The following DDAH1 variants were observed in gnomAD, a reference collection of about 807,000 sequenced individuals.
DDAH1 encodes the protein N(G),N(G)-dimethylarginine dimethylaminohydrolase 1.
In DDAH1, 19 loss-of-function variants were observed where a neutral mutation model predicts 28.8. That is an observed-to-expected ratio of 0.66 (90% CI 0.46 to 0.97). The LOEUF (loss-of-function observed/expected upper bound fraction) is 0.97, where lower values mean the gene tolerates loss of function less well. DDAH1 is among the 50% of genes least tolerant of loss of function. DDAH1 has a pLI of 0.00. For synonymous variants in DDAH1, 153 were observed against 154.4 expected (o/e 0.99, Z 0.07); for missense variants, 326 against 375.9 (o/e 0.87, Z 1.10).
chr1:85,328,450 A>G (rs1479075051), intron 4 of DDAH1, among the ~76,000 whole-genome samples: 1 of 151,996 alleles, frequency 6.6e-6, no homozygotes, highest in Non-Finnish European at 1.5e-5. Context: ...TCTAGACAAT[A>G]GCTTTTGGTC....
At chr1:85,444,844 G>T (rs528933219) in intron 1 of DDAH1, among the ~76,000 whole-genome samples, 1 of 149,744 alleles carries the variant, frequency 6.7e-6, no homozygotes, top group Non-Finnish European at 1.5e-5. Context: ...GTTCTCTAGA[G>T]GAACAGAACT....
chr1:85,478,121 G>T (rs1390158446), intron 2 of DDAH1, among the ~76,000 whole-genome samples: 1 of 152,144 alleles, frequency 6.6e-6, no homozygotes, highest in African/African-American at 2.4e-5. Flanking sequence ...TTTTTCTTCT[G>T]TGAGAATGCT....
intron 1 of DDAH1, among the ~76,000 whole-genome samples, chr1:85,360,059 T>G (rs1649705434): frequency 6.6e-6 from 1 of 152,158 alleles, no homozygotes; most frequent in Admixed American, 6.5e-5. Context: ...GCAAAGCAGG[T>G]AGTTCTTCCA....
chr1:85,340,408 A>C (rs1648403999), intron 4 of DDAH1, among the ~76,000 whole-genome samples: 1 of 152,182 alleles, frequency 6.6e-6, no homozygotes, highest in Non-Finnish European at 1.5e-5. Context: ...AAGGCACGCC[A>C]TTGTGGTAGT....
At chr1:85,392,530 C>T (rs769802551) in intron 1 of DDAH1, among the ~76,000 whole-genome samples, 44 of 152,108 alleles carry the variant, frequency 2.9e-4, no homozygotes, top group Non-Finnish European at 4.4e-5. Flanking sequence ...TGTGATGGCT[C>T]ACACCTGTAA....
chr1:85,388,544 T>C (rs2100549209), intron 1 of DDAH1, among the ~76,000 whole-genome samples: 1 of 152,344 alleles, frequency 6.6e-6, no homozygotes, highest in African/African-American at 2.4e-5. Flanking sequence ...TAAATTTGCC[T>C]CATTTTTCTG....
chr1:85,553,080 G>C (rs1441276792), intron 1 of DDAH1, among the ~76,000 whole-genome samples: 1 of 152,170 alleles, frequency 6.6e-6, no homozygotes, highest in African/African-American at 2.4e-5. Context: ...GTGCTGGAGA[G>C]ACCACATTAT....
chr1:85,402,856 C>T (rs1652206691), intron 1 of DDAH1, among the ~76,000 whole-genome samples: 1 of 149,832 alleles, frequency 6.7e-6, no homozygotes, highest in African/African-American at 2.5e-5. Flanking sequence ...TTGCAGTGAG[C>T]CGAGATAGCG....
chr1:85,327,018 C>T (rs574835750), intron 4 of DDAH1, among the ~76,000 whole-genome samples: 21 of 152,324 alleles, frequency 1.4e-4, no homozygotes, highest in South Asian at 6.2e-4. Flanking sequence ...TCTTTTGTTA[C>T]GAATTGCAAT....
intron 4 of DDAH1, among the ~76,000 whole-genome samples, chr1:85,330,106 T>A (rs1042215068): frequency 6.6e-6 from 1 of 152,248 alleles, no homozygotes; most frequent in African/African-American, 2.4e-5. Flanking sequence ...GACACATGTA[T>A]GTACACAAGA....
intron 1 of DDAH1, among the ~76,000 whole-genome samples, chr1:85,454,779 C>T (rs1011682834): frequency 8.5e-5 from 13 of 152,242 alleles, no homozygotes; most frequent in Non-Finnish European, 1.9e-4. Flanking sequence ...GGGTAGAGAG[C>T]AGCAATTGGG....
chr1:85,464,685 C>G lies in DDAH1; in HGVS notation c.303+58G>C. On this transcript the variant is annotated intron_variant, in intron 1 of 5. Transcript: ENST00000284031. The surrounding 1 kb of genome is among the most constrained non-coding windows in gnomAD (Gnocchi z 4.4). ...GCGACTCCCCAGGCAACACGGCGGC[C>G]GGCGGCGGGGGAGGGCCTGGCGCGC... 7.0e-7 allele frequency: 1 copy of G among 1,428,172 alleles called. No homozygotes were observed. The highest frequency in any genetic ancestry group is 1.5e-5 in the South Asian group (1 of 67,240). 88.5% of individuals were successfully genotyped at this position (1,428,172 alleles called of 1,614,324 possible). A position where few individuals can be genotyped will look rare whatever the true frequency, so the allele number is the denominator to read the frequency against.
At chr1:85,434,914 T>C (rs1281480538) in intron 1 of DDAH1, among the ~76,000 whole-genome samples, 1 of 151,946 alleles carries the variant, frequency 6.6e-6, no homozygotes, top group African/African-American at 2.4e-5. Context: ...GTATTAAATA[T>C]ATAAATTTAG....
chr1:85,565,388 G>A (rs555619005), intron 1 of DDAH1, among the ~76,000 whole-genome samples: 42 of 152,044 alleles, frequency 2.8e-4, no homozygotes, highest in South Asian at 2.3e-3. Flanking sequence ...ATAAAACAAC[G>A]GGTTAAAACC....
chr1:85,567,043 C>T (rs184241551), intron 1 of DDAH1, among the ~76,000 whole-genome samples: 26 of 152,318 alleles, frequency 1.7e-4, no homozygotes, highest in Admixed American at 7.2e-4. Flanking sequence ...GGAAGAATTA[C>T]CTCATACAGA....
chr1:85,465,271 G>GGTCTCGCGC (rs1166965965), upstream of DDAH1: 12 of 1,037,484 alleles, frequency 1.2e-5, no homozygotes, highest in Non-Finnish European at 1.2e-5. Flanking sequence ...GGCGCTCGCG[G>GGTCTCGCGC]GTCTCGCGCC....
intron 5 of DDAH1, among the ~76,000 whole-genome samples, chr1:85,323,993 G>A (rs1661462802): frequency 6.7e-6 from 1 of 150,298 alleles, no homozygotes; most frequent in Non-Finnish European, 1.5e-5. Flanking sequence ...AAAAGGACTG[G>A]GCATGGTGGC....
chr1:85,340,192 T>C (rs776907600), intron 4 of DDAH1, among the ~76,000 whole-genome samples: 2 of 152,116 alleles, frequency 1.3e-5, no homozygotes, highest in South Asian at 2.1e-4. Context: ...GCCAACCCCG[T>C]TAGTGTCTTG....
In DDAH1 at chr1:85,419,539, T is replaced by C. The variant is rs1338033443; in HGVS notation, c.303+45204A>G. The stretch of plus-strand genomic sequence containing the variant: ...TGGACGACAAGAGTGAAACTCCATC[T>C]TAAAAAAAAAAAAAAAAAAAAGTCT... On this transcript the variant is annotated intron_variant, in intron 1 of 5. Transcript: ENST00000284031. Among the ~76,000 whole-genome samples the C allele has an allele frequency of 1.4e-3, 8 of 5,862 alleles. No individual in the cohort carries two copies. The Admixed American group carries it at 0.015, about 11-fold the overall frequency. The allele number at this position is 5,862 out of a possible 152,430, so 3.8% of individuals were successfully genotyped here.
Sources: allele counts gnomAD v4.1 joint callset (sites outside exome capture counted in the v4.1 genomes callset), GRCh38; gene constraint gnomAD v4.1.1; non-coding constraint Gnocchi (gnomAD v3.1); transcripts MANE v1.5; gene names NCBI Gene and HGNC (gene_info 2026-07-23, HGNC 2026-07-21).